The following GRIK2 variants were observed in gnomAD, a reference collection of about 807,000 sequenced individuals.
GRIK2 encodes the protein glutamate ionotropic receptor kainate type subunit 2.
GRIK2 carries 32 observed loss-of-function variants against 100.3 expected under a neutral mutation model. The observed-to-expected ratio is 0.32, with a 90% CI of 0.24 to 0.43. The LOEUF is 0.43. GRIK2 is among the 20% of genes least tolerant of loss of function. GRIK2 has a pLI of 1.00. For synonymous variants in GRIK2, 417 were observed against 389.4 expected (o/e 1.07, Z -0.83); for missense variants, 843 against 1,114.9 (o/e 0.76, Z 3.47).
chr6:101,913,568 GA>G (rs1407298620), intron 12 of GRIK2, among the ~76,000 whole-genome samples: 1 of 151,478 alleles, frequency 6.6e-6, no homozygotes, highest in African/African-American at 2.4e-5. Flanking sequence ...ATATGAAAAT[GA>G]TATCAAATGG....
chr6:101,796,528 A>G (rs527960102), intron 7 of GRIK2, among the ~76,000 whole-genome samples: 2 of 152,350 alleles, frequency 1.3e-5, no homozygotes, highest in Admixed American at 1.3e-4. Flanking sequence ...AAAAATCTAC[A>G]TAATATCACC....
intron 4 of GRIK2, among the ~76,000 whole-genome samples, chr6:101,661,515 T>A (rs1005607960): frequency 2.0e-5 from 3 of 152,094 alleles, no homozygotes; most frequent in Non-Finnish European, 2.9e-5. Context: ...CAGGTGTCAC[T>A]GTGGTAAGAA....
chr6:101,885,301 G>A (rs1024367487), intron 11 of GRIK2, among the ~76,000 whole-genome samples: 6 of 151,952 alleles, frequency 3.9e-5, no homozygotes, highest in African/African-American at 1.4e-4. Flanking sequence ...TATAGAATTC[G>A]AATACTAGAG....
At chr6:101,793,943 G>A (rs139651287) in intron 7 of GRIK2, among the ~76,000 whole-genome samples, 4,393 of 152,206 alleles carry the variant, frequency 0.029, 71 homozygotes, top group Middle Eastern at 0.034. Context: ...CCTCCCTGCC[G>A]CGTTGCAGTT....
At chr6:101,715,709 G>T (rs749654192) in intron 7 of GRIK2, among the ~76,000 whole-genome samples, 4 of 151,834 alleles carry the variant, frequency 2.6e-5, no homozygotes, top group Non-Finnish European at 5.9e-5. Context: ...CAAATCAGCA[G>T]AGTTGCAAGT....
chr6:101,631,698 C>T (rs1057413972), intron 4 of GRIK2, among the ~76,000 whole-genome samples: 2 of 152,070 alleles, frequency 1.3e-5, no homozygotes, highest in African/African-American at 4.8e-5. Flanking sequence ...GTTGTCAATT[C>T]TATACTTGTA....
chr6:101,902,035 T>TTTATA (rs1562475897), intron 12 of GRIK2, among the ~76,000 whole-genome samples: 1 of 151,660 alleles, frequency 6.6e-6, no homozygotes, highest in Non-Finnish European at 1.5e-5. Flanking sequence ...GCTTAAAAAT[T>TTTATA]TAAATGATAT....
chr6:101,842,197 A>C (rs1783547544), intron 10 of GRIK2, among the ~76,000 whole-genome samples: 1 of 152,074 alleles, frequency 6.6e-6, no homozygotes, highest in African/African-American at 2.4e-5. Flanking sequence ...CGGACTTTCT[A>C]ATATGTTTTT....
intron 4 of GRIK2, among the ~76,000 whole-genome samples, chr6:101,644,962 C>A (rs1781448473): frequency 6.6e-6 from 1 of 151,714 alleles, no homozygotes; most frequent in Non-Finnish European, 1.5e-5. Context: ...ATGATGAGAA[C>A]ATGATTCTTG....
chr6:101,812,751 C>G (rs1555775), intron 9 of GRIK2, among the ~76,000 whole-genome samples: 5 of 151,786 alleles, frequency 3.3e-5, no homozygotes, highest in African/African-American at 9.7e-5. Flanking sequence ...GCGTAATAAA[C>G]GATCATCCAT....
At chr6:101,785,589 G>A (rs140044216) in intron 7 of GRIK2, among the ~76,000 whole-genome samples, 307 of 151,936 alleles carry the variant, frequency 2.0e-3, no homozygotes, top group Middle Eastern at 3.4e-3. Flanking sequence ...TGTTTCCGAC[G>A]TATATTCTTG....
At chr6:101,956,107 A>G (rs1791920849) in intron 14 of GRIK2, among the ~76,000 whole-genome samples, 1 of 152,096 alleles carries the variant, frequency 6.6e-6, no homozygotes, top group Non-Finnish European at 1.5e-5. Flanking sequence ...TTATTCAGCT[A>G]ATAATATGTC....
In GRIK2 at chr6:101,902,681, T is replaced by A. The variant is rs374058172; in HGVS notation, c.1748+12818T>A. On this transcript the variant is annotated intron_variant, in intron 12 of 16. Transcript: ENST00000369134. ...AGTTTTCAATACTAAATTACAAAAA[T>A]TTAACTATTTACATGGAAATTTTTT... Among the ~76,000 whole-genome samples, 46 of 152,036 alleles carry A rather than the reference T, an allele frequency of 3.0e-4. No individual in the cohort carries two copies. In the East Asian group the frequency reaches 5.8e-3, roughly 19 times the overall value.
At chr6:101,592,689 G>T (rs1778730234) in intron 2 of GRIK2, among the ~76,000 whole-genome samples, 2 of 147,752 alleles carry the variant, frequency 1.4e-5, no homozygotes. Flanking sequence ...GGGCTTTGCA[G>T]AATTGTTCAG....
At chr6:101,731,373 C>A (rs77541236) in intron 7 of GRIK2, among the ~76,000 whole-genome samples, 297 of 152,052 alleles carry the variant, frequency 2.0e-3, no homozygotes, top group African/African-American at 6.7e-3. Context: ...AACAAAGCTT[C>A]TGCCCTAGTT....
intron 16 of GRIK2, among the ~76,000 whole-genome samples, chr6:102,062,292 G>A (rs1221519266): frequency 2.7e-5 from 4 of 150,358 alleles, no homozygotes; most frequent in South Asian, 2.1e-4. Context: ...TCTGTCTGCT[G>A]TATAATTTAG....
chr6:101,469,831 T>G (rs1244877900), intron 2 of GRIK2, among the ~76,000 whole-genome samples: 3 of 152,192 alleles, frequency 2.0e-5, no homozygotes, highest in African/African-American at 7.2e-5. Flanking sequence ...GATACAGATG[T>G]TGGGGATTTA....
At chr6:101,937,295 T>G (rs1268230455) in intron 14 of GRIK2, among the ~76,000 whole-genome samples, 2 of 152,148 alleles carry the variant, frequency 1.3e-5, no homozygotes, top group Non-Finnish European at 2.9e-5. Context: ...GGACCATTCC[T>G]GCTGTTTGTC....
intron 2 of GRIK2, among the ~76,000 whole-genome samples, chr6:101,422,142 C>A (rs982024048): frequency 1.3e-5 from 2 of 152,154 alleles, no homozygotes; most frequent in Non-Finnish European, 1.5e-5. Flanking sequence ...AAATGCATAT[C>A]ATGCATCAGA....
Sources: gnomAD v4.1 joint callset for allele counts (sites outside exome capture counted in the v4.1 genomes callset) on GRCh38, gnomAD v4.1.1 for gene constraint, MANE v1.5 for transcripts, NCBI Gene and HGNC (gene_info 2026-07-23, HGNC 2026-07-21) for gene names.